FSD1L: variants seen among roughly 807,000 people sequenced by gnomAD.
FSD1L encodes FSD1-like protein.
A neutral mutation model predicts 71.6 loss-of-function variants in FSD1L; 45 were observed. That is an observed-to-expected ratio of 0.63 (90% CI 0.49 to 0.81). The LOEUF (loss-of-function observed/expected upper bound fraction) is 0.81, where lower values mean the gene tolerates loss of function less well. Among genes scored for constraint, FSD1L ranks in the 30% least tolerant of loss-of-function variants. FSD1L has a pLI of 0.00. For missense variants in FSD1L, 561 were observed against 618.1 expected (o/e 0.91, Z 0.98); for synonymous variants, 197 against 207.2 (o/e 0.95, Z 0.42).
At position 105,547,902 on chromosome 9, in the gene FSD1L, T is replaced by G. The variant is rs1589125926; in HGVS notation, c.*1419T>G. ...ATATATTGTGCTATGATAACCAACC[T>G]TCTTCCAAGGAGTGACCATTACTGC... On this transcript the variant is annotated 3_prime_UTR_variant, in exon 14 of 14. Transcript: ENST00000481272. The G allele has an allele frequency of 2.6e-5, 4 of 152,238 alleles. No homozygotes were observed. In the South Asian group the frequency reaches 6.2e-4, roughly 24 times the overall value. The allele number at this position is 152,238 out of a possible 1,614,324, so 9.4% of individuals were successfully genotyped here.
At position 105,506,499 on chromosome 9, in the gene FSD1L, T is replaced by C. The variant is rs898080345; in HGVS notation, c.687T>C (p.His229=). 3 of 1,551,388 alleles carry C rather than the reference T, an allele frequency of 1.9e-6. No individual in the cohort carries two copies. The highest frequency in any genetic ancestry group is 2.6e-6 in the Non-Finnish European group (3 of 1,146,732). The change falls in exon 8 of 14, where the codon CAT becomes CAC. Residue 229 remains histidine, a synonymous_variant. Transcript: ENST00000481272. Reference sequence around the variant, plus strand: ...CAGAAGAAGATAATAAGATTGACCATTTTATACTGGAACATAGGAAGACTA... The same window carrying C: ...CAGAAGAAGATAATAAGATTGACCACTTTATACTGGAACATAGGAAGACTA... ...RMPEEDNKID[H]FILEHRKTNF...
At chr9:105,481,815 C>T (rs1485641059) in intron 6 of FSD1L, among the ~76,000 whole-genome samples, 2 of 151,788 alleles carry the variant, frequency 1.3e-5, no homozygotes, top group Admixed American at 1.3e-4. Context: ...CTCCATCACC[C>T]AGGCTGGAGT....
chr9:105,526,071 C>G lies in FSD1L; in HGVS notation c.1026-8422C>G, dbSNP rs1835488578. On this transcript the variant is annotated intron_variant, in intron 10 of 13. Transcript: ENST00000481272. ...TATATCCAATGAAAAATCACATGTT[C>G]AGTATTCAGATAATGAGAAAACCAG... 3 of 1,511,162 alleles carry G rather than the reference C, an allele frequency of 2.0e-6. No individual in the cohort carries two copies. In the Admixed American group the frequency reaches 5.0e-5, roughly 25 times the overall value. 93.6% of individuals were successfully genotyped at this position (1,511,162 alleles called of 1,614,324 possible).
chr9:105,541,176 A>G (rs1185886366), intron 13 of FSD1L, among the ~76,000 whole-genome samples: 1 of 152,156 alleles, frequency 6.6e-6, no homozygotes, highest in Non-Finnish European at 1.5e-5. Flanking sequence ...TAAGTTTAAA[A>G]CAATGCTAAT....
At chr9:105,507,025 A>T (rs1834096060) in intron 8 of FSD1L, among the ~76,000 whole-genome samples, 2 of 152,208 alleles carry the variant, frequency 1.3e-5, no homozygotes, top group African/African-American at 4.8e-5. Context: ...CATTTGTAAC[A>T]TAGTGAAACA....
At chr9:105,456,570 C>T (rs1182462234) in intron 1 of FSD1L, among the ~76,000 whole-genome samples, 2 of 152,156 alleles carry the variant, frequency 1.3e-5, no homozygotes, top group Non-Finnish European at 2.9e-5. Flanking sequence ...TGATTCATTC[C>T]ATAACAGTGG....
In FSD1L at chr9:105,534,498, G is replaced by C. The variant is rs1335828269; in HGVS notation, c.1031G>C (p.Gly344Ala). 1 of 1,533,604 alleles carries C rather than the reference G, an allele frequency of 6.5e-7. No homozygotes were observed. Among genetic ancestry groups the C allele is most frequent in the South Asian group, 1.2e-5 (1 of 83,470 alleles). 95.0% of individuals were successfully genotyped at this position (1,533,604 alleles called of 1,614,324 possible). ...IKGKENKGRS[G>A]TPSPKRTSVG... ...TTTTCTTTTTGTTTATATAGAAGTG[G>C]TACACCATCCCCAAAACGAACATCT... is the stretch of plus-strand genomic sequence containing the variant. The change falls in exon 11 of 14, where the codon GGT becomes GCT. Residue 344 changes from glycine to alanine, a missense_variant. Transcript: ENST00000481272.
intron 7 of FSD1L, among the ~76,000 whole-genome samples, chr9:105,496,478 T>C (rs1833413408): frequency 6.6e-6 from 1 of 152,236 alleles, no homozygotes; most frequent in Non-Finnish European, 1.5e-5. Flanking sequence ...GTAGGTCAAA[T>C]TGGGAAGAAC....
At chr9:105,448,284 A>AC in intron 1 of FSD1L, 49 bp downstream of exon 1, 1 of 1,442,174 alleles carries the variant, frequency 6.9e-7, no homozygotes, top group Non-Finnish European at 9.3e-7. Context: ...CCGGGCCGGC[A>AC]CAGGGTGGGC....
chr9:105,496,098 A>C (rs545289905), intron 7 of FSD1L, among the ~76,000 whole-genome samples: 33 of 151,902 alleles, frequency 2.2e-4, no homozygotes, highest in African/African-American at 7.0e-4. Context: ...TTTTAATTCT[A>C]ATAATGTTTA....
intron 10 of FSD1L, chr9:105,520,675 A>G: frequency 1.9e-6 from 3 of 1,613,420 alleles, no homozygotes; most frequent in East Asian, 2.2e-5. Context: ...GCTCTTCAGA[A>G]TAACTGTAGC....
chr9:105,477,460 A>G (rs952763530), intron 5 of FSD1L, among the ~76,000 whole-genome samples: 2 of 152,224 alleles, frequency 1.3e-5, no homozygotes, highest in African/African-American at 4.8e-5. Flanking sequence ...GTTATGGTAC[A>G]GAGGGAAAGA....
At chr9:105,459,064 T>G (rs1386135256) in intron 1 of FSD1L, among the ~76,000 whole-genome samples, 3 of 152,238 alleles carry the variant, frequency 2.0e-5, no homozygotes, top group Non-Finnish European at 2.9e-5. Context: ...TAAAAACTGC[T>G]GGATTTGATG....
chr9:105,457,769 G>C (rs1830445923), intron 1 of FSD1L, among the ~76,000 whole-genome samples: 1 of 152,240 alleles, frequency 6.6e-6, no homozygotes, highest in Non-Finnish European at 1.5e-5. Flanking sequence ...AGTGAGGGGT[G>C]TGTGAGCGAG....
intron 13 of FSD1L, among the ~76,000 whole-genome samples, chr9:105,541,013 G>A (rs929224965): frequency 5.3e-5 from 8 of 152,072 alleles, no homozygotes; most frequent in Non-Finnish European, 7.4e-5. Context: ...ATTTCAAATG[G>A]AATATTTTGC....
chr9:105,534,309 A>G (rs1232312140), intron 10 of FSD1L, among the ~76,000 whole-genome samples, 184 bp from the exon 11 acceptor site: 1 of 152,092 alleles, frequency 6.6e-6, no homozygotes, highest in Non-Finnish European at 1.5e-5. Flanking sequence ...ATAGCTTCTT[A>G]CATTTCAGTG....
At chr9:105,474,818 G>A (rs1220248991) in intron 5 of FSD1L, among the ~76,000 whole-genome samples, 1 of 152,226 alleles carries the variant, frequency 6.6e-6, no homozygotes, top group Non-Finnish European at 1.5e-5. Context: ...ACATTGCAGT[G>A]TCTCAGCATG....
chr9:105,543,767 C>T (rs1372306685), intron 13 of FSD1L, among the ~76,000 whole-genome samples: 1 of 152,096 alleles, frequency 6.6e-6, no homozygotes, highest in Non-Finnish European at 1.5e-5. Flanking sequence ...TGAACTCATC[C>T]TTTTTTATGG....
At chr9:105,450,802 G>C (rs755805278) in intron 1 of FSD1L, among the ~76,000 whole-genome samples, 7 of 152,002 alleles carry the variant, frequency 4.6e-5, no homozygotes, top group African/African-American at 1.5e-4. Flanking sequence ...CTCACAAAGC[G>C]CTGCGATTAC....
Sources: allele counts gnomAD v4.1 joint callset (sites outside exome capture counted in the v4.1 genomes callset), GRCh38; gene constraint gnomAD v4.1.1; transcripts MANE v1.5; gene names NCBI Gene and HGNC (gene_info 2026-07-23, HGNC 2026-07-21).